LRMDA: variants seen among roughly 807,000 people sequenced by gnomAD.
LRMDA encodes the protein leucine-rich melanocyte differentiation-associated protein.
In LRMDA, 18 loss-of-function variants were observed where a neutral mutation model predicts 29.8. The ratio of observed to expected loss-of-function variants is 0.60; its 90% CI spans 0.42 to 0.90. The LOEUF (loss-of-function observed/expected upper bound fraction) is 0.90, where lower values mean the gene tolerates loss of function less well. Ranked by LOEUF, LRMDA falls within the 40% of genes least tolerant of loss-of-function variation. The pLI is 0.00. For synonymous variants in LRMDA, 125 were observed against 109.4 expected, an observed-to-expected ratio of 1.14 and a Z score of -0.89; for missense variants, 273 against 273.9, an observed-to-expected ratio of 1.00 and a Z score of 0.02.
intron 2 of LRMDA, among the ~76,000 whole-genome samples, chr10:75,912,051 T>G (rs1394806672): frequency 1.3e-5 from 2 of 152,066 alleles, no homozygotes; most frequent in Non-Finnish European, 2.9e-5. Context: ...ACTCTGTTAT[T>G]TTTCATGGGG....
chr10:76,524,181 C>G (rs1302319082), intron 6 of LRMDA, among the ~76,000 whole-genome samples: 1 of 152,074 alleles, frequency 6.6e-6, no homozygotes, highest in Non-Finnish European at 1.5e-5. Context: ...GTTTAATGGA[C>G]TAAATATTTT....
intron 4 of LRMDA, among the ~76,000 whole-genome samples, chr10:76,054,019 T>A (rs542868741): frequency 6.6e-6 from 1 of 152,232 alleles, no homozygotes; most frequent in East Asian, 1.9e-4. Context: ...AGAACCACTG[T>A]GCAAGAATAG....
chr10:76,233,426 G>A (rs1481927269), intron 5 of LRMDA, among the ~76,000 whole-genome samples: 1 of 152,162 alleles, frequency 6.6e-6, no homozygotes, highest in East Asian at 1.9e-4. Flanking sequence ...GCTGCTGACT[G>A]ATCAGGGAGG....
At chr10:76,483,691 A>C (rs1360036225) in intron 6 of LRMDA, among the ~76,000 whole-genome samples, 1 of 151,424 alleles carries the variant, frequency 6.6e-6, no homozygotes, top group African/African-American at 2.4e-5. Context: ...ATTGTCCTCT[A>C]GCCAGGGCTT....
intron 5 of LRMDA, among the ~76,000 whole-genome samples, chr10:76,248,786 A>G (rs536294105): frequency 6.6e-6 from 1 of 152,334 alleles, no homozygotes; most frequent in African/African-American, 2.4e-5. Context: ...GTGCAGGATA[A>G]CATATCATTG....
At chr10:76,426,358 A>G (rs1051736800) in intron 6 of LRMDA, among the ~76,000 whole-genome samples, 18 of 152,154 alleles carry the variant, frequency 1.2e-4, no homozygotes, top group Non-Finnish European at 2.5e-4. Context: ...GCCAGTGATG[A>G]TGAGCATTTT....
intron 5 of LRMDA, among the ~76,000 whole-genome samples, chr10:76,187,060 C>G (rs1163096573): frequency 6.6e-6 from 1 of 152,168 alleles, no homozygotes; most frequent in Non-Finnish European, 1.5e-5. Flanking sequence ...CCCAGCCTCT[C>G]CCAGGGTGAA....
intron 2 of LRMDA, among the ~76,000 whole-genome samples, chr10:75,643,786 T>C (rs564849222): frequency 6.6e-6 from 1 of 152,326 alleles, no homozygotes; most frequent in East Asian, 1.9e-4. Flanking sequence ...TATGCTTTTT[T>C]AGAGAGTCTA....
At chr10:76,457,721 C>T (rs1021689378) in intron 6 of LRMDA, among the ~76,000 whole-genome samples, 2 of 152,214 alleles carry the variant, frequency 1.3e-5, no homozygotes, top group African/African-American at 2.4e-5. Flanking sequence ...TTTCCTTAAA[C>T]AGAAATATAG....
At chr10:76,328,196 G>A (rs1840860675) in intron 6 of LRMDA, among the ~76,000 whole-genome samples, 1 of 152,166 alleles carries the variant, frequency 6.6e-6, no homozygotes, top group South Asian at 2.1e-4. Flanking sequence ...CCTTGGCTGT[G>A]TCCATGTTAT....
At chr10:76,048,259 C>G (rs1462221205) in intron 4 of LRMDA, among the ~76,000 whole-genome samples, 1 of 152,040 alleles carries the variant, frequency 6.6e-6, no homozygotes, top group Non-Finnish European at 1.5e-5. Flanking sequence ...TGCACTTGTT[C>G]ATTTATTCAT....
At position 75,770,165 on chromosome 10, in the gene LRMDA, C is replaced by T. The variant is rs191900218; in HGVS notation, c.132-265843C>T. On this transcript the variant is annotated intron_variant, in intron 2 of 6. Transcript: ENST00000611255. The stretch of plus-strand genomic sequence containing the variant: ...AATTAGCTGGACATGGTGGTACACA[C>T]GTGTAGCCCCAGCTACTCTGAAGGC... Among the ~76,000 whole-genome samples, 243 of 151,800 alleles carry T rather than the reference C, an allele frequency of 1.6e-3. 4 individuals are homozygous for T. Among genetic ancestry groups the T allele is most frequent in the Non-Finnish European group, 5.7e-4 (39 of 67,940 alleles).
chr10:76,471,113 A>G (rs1301568962), intron 6 of LRMDA, among the ~76,000 whole-genome samples: 1 of 151,846 alleles, frequency 6.6e-6, no homozygotes, highest in Non-Finnish European at 1.5e-5. Context: ...GGTAACCCAA[A>G]TCTATAGGAA....
At chr10:75,488,968 C>T (rs148518882) in intron 2 of LRMDA, among the ~76,000 whole-genome samples, 10 of 152,286 alleles carry the variant, frequency 6.6e-5, no homozygotes, top group African/African-American at 1.2e-4. Flanking sequence ...CCGTTTGTGA[C>T]GAGTTATCTC....
chr10:75,608,671 T>TG (rs138520955), intron 2 of LRMDA, among the ~76,000 whole-genome samples: 1,898 of 152,282 alleles, frequency 0.012, 39 homozygotes, highest in African/African-American at 0.043. Context: ...AAGTTTATTT[T>TG]GCATCTGCTA....
chr10:75,578,376 A>C (rs1191050755), intron 2 of LRMDA, among the ~76,000 whole-genome samples: 1 of 152,104 alleles, frequency 6.6e-6, no homozygotes, highest in Non-Finnish European at 1.5e-5. Flanking sequence ...ATATGTACCC[A>C]GTACAGGAGC....
intron 2 of LRMDA, among the ~76,000 whole-genome samples, chr10:75,886,571 A>G (rs891138141): frequency 6.6e-6 from 1 of 152,298 alleles, no homozygotes; most frequent in East Asian, 1.9e-4. Flanking sequence ...TTTGAGAAGG[A>G]CTGAACTAGC....
intron 5 of LRMDA, among the ~76,000 whole-genome samples, chr10:76,073,251 C>T (rs191514303): frequency 6.6e-6 from 1 of 152,284 alleles, no homozygotes; most frequent in Non-Finnish European, 1.5e-5. Flanking sequence ...GAAAATCCTT[C>T]AACTCTATTC....
chr10:76,325,146 C>T (rs1209378295), intron 6 of LRMDA, among the ~76,000 whole-genome samples: 1 of 152,172 alleles, frequency 6.6e-6, no homozygotes, highest in East Asian at 1.9e-4. Context: ...TCCACTTGTA[C>T]ACGTAAAGGT....
Sources: allele counts gnomAD v4.1 joint callset (sites outside exome capture counted in the v4.1 genomes callset), GRCh38; gene constraint gnomAD v4.1.1; transcripts MANE v1.5; gene names NCBI Gene and HGNC (gene_info 2026-07-23, HGNC 2026-07-21).